The following MED13 variants were observed in gnomAD, a reference collection of about 807,000 sequenced individuals.
The protein encoded by MED13 is mediator of RNA polymerase II transcription subunit 13.
Under a neutral mutation model 225.2 loss-of-function variants are expected in MED13, and 23 were observed. The observed-to-expected ratio is 0.10, with a 90% confidence interval of 0.07 to 0.14. The LOEUF (loss-of-function observed/expected upper bound fraction) is 0.14, where lower values mean the gene tolerates loss of function less well. MED13 is among the 10% of genes least tolerant of loss of function. The probability of loss-of-function intolerance (pLI) is 1.00; values close to 1 mark genes in which losing one functional copy is unlikely to be tolerated. For missense variants in MED13, 2,197 were observed against 2,594.5 expected, an observed-to-expected ratio of 0.85 and a Z score of 3.33; for synonymous variants, 942 against 889.2, an observed-to-expected ratio of 1.06 and a Z score of -1.06.
At chr17:61,947,187 T>G (rs926469989) in intron 28 of MED13, among the ~76,000 whole-genome samples, 170 bp from the exon 29 acceptor site, 6 of 151,968 alleles carry the variant, frequency 3.9e-5, no homozygotes, top group African/African-American at 1.4e-4. Flanking sequence ...TAATTCATTA[T>G]AGAAATGTTT....
intron 12 of MED13, among the ~76,000 whole-genome samples, chr17:61,985,395 C>T (rs534543367): frequency 2.0e-5 from 3 of 151,974 alleles, no homozygotes; most frequent in Non-Finnish European, 2.9e-5. Context: ...AATAAGAGGC[C>T]GGACATGGTA....
intron 16 of MED13, among the ~76,000 whole-genome samples, chr17:61,976,845 T>A (rs1312366258): frequency 6.6e-6 from 1 of 152,058 alleles, no homozygotes; most frequent in Non-Finnish European, 1.5e-5. Context: ...GGCAGGAGAA[T>A]GGCGTGATCC....
chr17:62,062,598 CACCA>C (rs1280785519), intron 2 of MED13, among the ~76,000 whole-genome samples: 85 of 103,492 alleles, frequency 8.2e-4, no homozygotes, highest in Middle Eastern at 5.9e-3. Context: ...CACACACACA[CACCA>C]CACACACACA....
At position 61,983,791 on chromosome 17, in the gene MED13, C is replaced by T. The variant is rs576169640; in HGVS notation, c.2888+380G>A. ...TTGCCCAGGCTGGAGTGCACTGGTG[C>T]GATCTCGGCTCCCTGCAATGCCTGA... is the stretch of plus-strand genomic sequence containing the variant. On this transcript the variant is annotated intron_variant, in intron 15 of 29. Coordinates refer to ENST00000397786, the MANE Select transcript of MED13 (RefSeq NM_005121.3). Among the ~76,000 whole-genome samples the T allele has an allele frequency of 1.1e-4, 16 of 148,612 alleles. No individual in the cohort carries two copies. In the East Asian group the frequency reaches 1.4e-3, roughly 13 times the overall value.
intron 8 of MED13, among the ~76,000 whole-genome samples, chr17:62,023,950 G>T (rs1481958537): frequency 1.3e-5 from 2 of 152,088 alleles, no homozygotes; most frequent in African/African-American, 4.8e-5. Context: ...CACACGTATC[G>T]ATTATGTAAA....
At chr17:61,978,191 C>T (rs1034974105) in intron 16 of MED13, among the ~76,000 whole-genome samples, 1 of 151,710 alleles carries the variant, frequency 6.6e-6, no homozygotes, top group East Asian at 1.9e-4. Context: ...ACTCTTGTTG[C>T]CGGGCTGGAG....
chr17:61,952,637 AG>A (rs2143295233), intron 27 of MED13, among the ~76,000 whole-genome samples: 1 of 152,354 alleles, frequency 6.6e-6, no homozygotes, highest in African/African-American at 2.4e-5. Context: ...CTAATTTCCA[AG>A]GAAAAATAGT....
At chr17:61,967,215 CT>C (rs1277472425) in intron 18 of MED13, among the ~76,000 whole-genome samples, 1 of 152,034 alleles carries the variant, frequency 6.6e-6, no homozygotes, top group Non-Finnish European at 1.5e-5. Context: ...ATTTCAAAGC[CT>C]TTAAAAACCT....
At chr17:61,967,935 A>T in intron 18 of MED13, 100 bp downstream of exon 18, 1 of 864,122 alleles carries the variant, frequency 1.2e-6, no homozygotes, top group Non-Finnish European at 1.8e-6. Context: ...ATCTGACATC[A>T]TCACTGTGTC....
intron 10 of MED13, 95 bp downstream of exon 10, chr17:61,995,057 C>A: frequency 1.1e-6 from 1 of 915,490 alleles, no homozygotes. Flanking sequence ...TATTCTAAGA[C>A]AAAAGAAGTG....
chr17:62,004,875 C>G (rs1020986650), intron 9 of MED13: 2 of 149,524 alleles, frequency 1.3e-5, no homozygotes, highest in African/African-American at 4.9e-5. Flanking sequence ...TCTTTTAAGG[C>G]TTGTTTCTAA....
At chr17:61,951,926 C>A (rs866610072) in intron 27 of MED13, among the ~76,000 whole-genome samples, 6 of 152,028 alleles carry the variant, frequency 3.9e-5, no homozygotes, top group South Asian at 2.1e-4. Flanking sequence ...GAGATGGAGT[C>A]TCGCTCTGTC....
intron 8 of MED13, among the ~76,000 whole-genome samples, chr17:62,026,897 T>C (rs950787550): frequency 6.6e-6 from 1 of 152,068 alleles, no homozygotes; most frequent in Admixed American, 6.6e-5. Context: ...TAAAGATCTC[T>C]ACAATAAGAA....
chr17:62,047,223 T>C lies in MED13; in HGVS notation c.470+5314A>G, dbSNP rs539492152. On this transcript the variant is annotated intron_variant, in intron 3 of 29. Transcript: ENST00000397786. ...CCGTCTCTACTAAAAATACAAAAAT[T>C]AGCCGGGCGTGCTGGTGGGTGCCTA... Among the ~76,000 whole-genome samples, 4 of 151,982 alleles carry C rather than the reference T, an allele frequency of 2.6e-5. No homozygotes were observed. The South Asian group carries it at 8.3e-4, about 32-fold the overall frequency.
At chr17:62,049,626 G>C (rs73336446) in intron 3 of MED13, among the ~76,000 whole-genome samples, 2 of 152,096 alleles carry the variant, frequency 1.3e-5, no homozygotes, top group Non-Finnish European at 2.9e-5. Context: ...AAAACAAAAC[G>C]ATGTACAAGA....
At position 62,065,151 on chromosome 17, in the gene MED13, G is replaced by C. The variant is rs2081071643; in HGVS notation, c.55C>G (p.Leu19Val). The C allele has an allele frequency of 9.5e-6, 15 of 1,579,432 alleles. No homozygotes were observed. The highest frequency in any genetic ancestry group is 1.3e-5 in the Non-Finnish European group (15 of 1,164,536). The change falls in exon 1 of 30, where the codon CTC (leucine) becomes GTC (valine). Residue 19 changes from leucine (L) to valine (V), a missense_variant. Around this residue, in one of 12 missense-constraint regions of MED13, gnomAD observed 884 missense variants for 918.5 expected, o/e 0.96. Transcript: ENST00000397786. ...GCCCCGGCACTCACCAGGCAGAAGA[G>C]GTTACAGTGACAATCTTCCAGGCTG... ...GASLEDCHCN[L>V]FCLADLTGIK...
At chr17:62,044,605 A>G (rs970810865) in intron 3 of MED13, among the ~76,000 whole-genome samples, 1 of 152,248 alleles carries the variant, frequency 6.6e-6, no homozygotes, top group Non-Finnish European at 1.5e-5. Flanking sequence ...GTACATGTCT[A>G]TATGTATACA....
At chr17:61,980,842 A>C (rs1010286368) in intron 16 of MED13, among the ~76,000 whole-genome samples, 2 of 151,822 alleles carry the variant, frequency 1.3e-5, no homozygotes, top group Non-Finnish European at 2.9e-5. Context: ...CCCCAGGTTC[A>C]AGCAACTCCT....
rs548478196 is a variant in MED13 at position 61,966,948 on chromosome 17, T to G, written c.4192-297A>C. 5.9e-5 allele frequency among the ~76,000 whole-genome samples: 9 copies of G among 152,244 alleles called. 1 individual carries two copies. The South Asian group carries it at 1.9e-3, about 32-fold the overall frequency. On this transcript the variant is annotated intron_variant, in intron 18 of 29. Coordinates refer to ENST00000397786, the MANE Select transcript of MED13 (RefSeq NM_005121.3). ...AACAATAGTACTAGAACCATTTTGT[T>G]TGAATAAAAGCTTGCAGAATGCAGA... is the stretch of plus-strand genomic sequence containing the variant.
Sources: gnomAD v4.1 joint callset for allele counts (sites outside exome capture counted in the v4.1 genomes callset) on GRCh38, gnomAD v4.1.1 for gene constraint, gnomAD v4.1.1 regional missense constraint, MANE v1.5 for transcripts, NCBI Gene and HGNC (gene_info 2026-07-23, HGNC 2026-07-21) for gene names.